The following PCDH15 variants were observed in gnomAD, a reference collection of about 807,000 sequenced individuals.
PCDH15 encodes protocadherin-15.
In PCDH15, 129 loss-of-function variants were observed where a neutral mutation model predicts 178.5. The ratio of observed to expected loss-of-function variants is 0.72; its 90% confidence interval spans 0.63 to 0.84. The LOEUF is 0.84. Among genes scored for constraint, PCDH15 ranks in the 40% least tolerant of loss-of-function variants. PCDH15 has a pLI of 0.00. For missense variants in PCDH15, 2,230 were observed against 2,099.9 expected (o/e 1.06, Z -1.21); for synonymous variants, 800 against 732.0 (o/e 1.09, Z -1.50).
In PCDH15 at chr10:55,429,527, T is replaced by C. The variant is rs546386500; in HGVS notation, c.-156+198098A>G. Among the ~76,000 whole-genome samples the C allele has an allele frequency of 1.2e-4, 19 of 152,280 alleles. No individual in the cohort carries two copies. In the East Asian group the frequency reaches 2.7e-3, roughly 22 times the overall value. ...GCTTATAAGATTTTTATCTTTACACTGGTTTTGAGGAATTAAATTATTTTC... is the reference window on the plus strand; with the variant it reads ...GCTTATAAGATTTTTATCTTTACACCGGTTTTGAGGAATTAAATTATTTTC... On this transcript the variant is annotated intron_variant, in intron 2 of 5. Transcript: ENST00000613346.
chr10:54,281,319 A>G (rs568756136), intron 8 of PCDH15, among the ~76,000 whole-genome samples: 1 of 152,094 alleles, frequency 6.6e-6, no homozygotes, highest in South Asian at 2.1e-4. Context: ...AGAAAAACCC[A>G]CAATTAAAGA....
intron 18 of PCDH15, among the ~76,000 whole-genome samples, chr10:54,065,724 G>GC (rs1449091439): frequency 6.6e-6 from 1 of 152,168 alleles, no homozygotes; most frequent in Non-Finnish European, 1.5e-5. Flanking sequence ...GTTGGTAGTT[G>GC]CAAGTATTGT....
At chr10:55,338,239 C>T (rs971638819) in intron 2 of PCDH15, among the ~76,000 whole-genome samples, 3 of 152,052 alleles carry the variant, frequency 2.0e-5, no homozygotes, top group East Asian at 1.9e-4. Flanking sequence ...ACAGTATAAA[C>T]GTCCCTCAAA....
chr10:55,416,463 G>C (rs919885404), intron 2 of PCDH15, among the ~76,000 whole-genome samples: 4 of 151,534 alleles, frequency 2.6e-5, no homozygotes, highest in Admixed American at 6.6e-5. Flanking sequence ...TCACTTCTAG[G>C]ATCCTCCTAA....
At chr10:55,303,748 A>G (rs1029980402) in intron 1 of PCDH15, among the ~76,000 whole-genome samples, 5 of 152,046 alleles carry the variant, frequency 3.3e-5, no homozygotes, top group African/African-American at 1.2e-4. Context: ...TAGAGTCTTT[A>G]GTGATATTCT....
chr10:55,195,257 A>C (rs1052220736), intron 1 of PCDH15, among the ~76,000 whole-genome samples: 2 of 151,754 alleles, frequency 1.3e-5, no homozygotes, highest in Non-Finnish European at 2.9e-5. Flanking sequence ...TTCCTGACTC[A>C]AGTGGTCTCC....
intron 2 of PCDH15, among the ~76,000 whole-genome samples, chr10:55,585,722 T>G (rs1842713890): frequency 6.6e-6 from 1 of 152,044 alleles, no homozygotes; most frequent in Non-Finnish European, 1.5e-5. Flanking sequence ...ATCTCAAGTA[T>G]GTATGTGTAT....
intron 2 of PCDH15, among the ~76,000 whole-genome samples, chr10:54,535,769 C>A (rs182314080): frequency 7.0e-6 from 1 of 142,942 alleles, no homozygotes; most frequent in East Asian, 2.1e-4. Flanking sequence ...AGGAAAAAGG[C>A]AGAATATGAA....
chr10:54,180,329 T>C (rs1034883780), intron 13 of PCDH15, among the ~76,000 whole-genome samples: 2 of 152,156 alleles, frequency 1.3e-5, no homozygotes, highest in African/African-American at 4.8e-5. Flanking sequence ...ACCAACTCAT[T>C]TGCTCCTTGC....
At chr10:54,240,732 C>T (rs1219856620) in intron 8 of PCDH15, among the ~76,000 whole-genome samples, 1 of 146,124 alleles carries the variant, frequency 6.8e-6, no homozygotes, top group Admixed American at 7.1e-5. Context: ...CCCGGGTTCA[C>T]GCCATTCTCC....
chr10:54,820,045 C>A (rs16906569), intron 3 of PCDH15, among the ~76,000 whole-genome samples: 12,202 of 151,926 alleles, frequency 0.08, 549 homozygotes, highest in South Asian at 0.14. Context: ...GTCAAGAAAT[C>A]ATTATCAAAG....
At chr10:54,065,495 G>A (rs147193341) in intron 18 of PCDH15, among the ~76,000 whole-genome samples, 1 of 152,296 alleles carries the variant, frequency 6.6e-6, no homozygotes, top group East Asian at 1.9e-4. Context: ...GACACCAGAG[G>A]TACTACAGTG....
chr10:54,207,925 G>A (rs11004138), intron 10 of PCDH15, among the ~76,000 whole-genome samples: 1 of 151,980 alleles, frequency 6.6e-6, no homozygotes, highest in Non-Finnish European at 1.5e-5. Context: ...AGAAGCATTA[G>A]TGATCTTATA....
At chr10:55,217,239 C>A (rs1031140846) in intron 1 of PCDH15, among the ~76,000 whole-genome samples, 20 of 151,836 alleles carry the variant, frequency 1.3e-4, no homozygotes, top group Non-Finnish European at 2.1e-4. Context: ...CTAATGGTTA[C>A]TTTTATCTCT....
At chr10:55,598,031 T>G (rs1432889859) in intron 2 of PCDH15, among the ~76,000 whole-genome samples, 1 of 152,142 alleles carries the variant, frequency 6.6e-6, no homozygotes, top group Admixed American at 6.6e-5. Flanking sequence ...CAAAACACTT[T>G]GCTCGACCAC....
chr10:54,607,835 G>A (rs754217874), intron 2 of PCDH15: 5 of 526,712 alleles, frequency 9.5e-6, no homozygotes, highest in Non-Finnish European at 1.9e-5. Flanking sequence ...GAGATATGAT[G>A]CCATGAGGCC....
intron 2 of PCDH15, among the ~76,000 whole-genome samples, chr10:54,985,524 T>A (rs749332645): frequency 5.9e-5 from 9 of 152,158 alleles, no homozygotes; most frequent in Non-Finnish European, 8.8e-5. Context: ...TTGTTATATG[T>A]GCTCAAAATA....
intron 2 of PCDH15, among the ~76,000 whole-genome samples, chr10:55,624,867 C>T (rs1487306590): frequency 2.6e-5 from 4 of 151,896 alleles, no homozygotes; most frequent in Admixed American, 2.0e-4. Flanking sequence ...TTTTATGTTA[C>T]CTTTGTGAAG....
At chr10:54,635,979 C>CA (rs144844823) in intron 2 of PCDH15, among the ~76,000 whole-genome samples, 4,529 of 150,142 alleles carry the variant, frequency 0.03, 146 homozygotes, top group African/African-American at 0.082. Flanking sequence ...TAACCTCTCT[C>CA]AAAAAAAAAT....
Sources: gnomAD v4.1 joint callset for allele counts (sites outside exome capture counted in the v4.1 genomes callset) on GRCh38, gnomAD v4.1.1 for gene constraint, MANE v1.5 for transcripts, NCBI Gene and HGNC (gene_info 2026-07-23, HGNC 2026-07-21) for gene names.